The following LRRC4C variants were observed in gnomAD, a reference collection of about 807,000 sequenced individuals.
The protein encoded by LRRC4C is leucine rich repeat containing 4C.
Under a neutral mutation model 33.6 loss-of-function variants are expected in LRRC4C, and 5 were observed. The ratio of observed to expected loss-of-function variants is 0.15; its 90% confidence interval spans 0.08 to 0.31. LRRC4C has a LOEUF of 0.31. Ranked by LOEUF, LRRC4C falls within the 10% of genes least tolerant of loss-of-function variation. The pLI is 1.00. For synonymous variants in LRRC4C, 329 were observed against 302.0 expected (o/e 1.09, Z -0.93); for missense variants, 560 against 796.7 (o/e 0.70, Z 3.58).
intron 1 of LRRC4C, among the ~76,000 whole-genome samples, chr11:41,115,769 T>C (rs1428733317): frequency 6.6e-6 from 1 of 152,118 alleles, no homozygotes; most frequent in East Asian, 1.9e-4. Context: ...GCACTAACAT[T>C]GTCCTTGTCA....
At chr11:41,434,549 G>A (rs1955358841) in intron 1 of LRRC4C, among the ~76,000 whole-genome samples, 1 of 152,068 alleles carries the variant, frequency 6.6e-6, no homozygotes, top group Admixed American at 6.6e-5. Context: ...TACATCCCAT[G>A]ATACAAAATA....
At position 40,523,050 on chromosome 11, in the gene LRRC4C, T is replaced by A. The variant is rs558429155; in HGVS notation, c.-270+125092A>T. On this transcript the variant is annotated intron_variant, in intron 3 of 6. Coordinates refer to ENST00000528697, the MANE Select transcript of LRRC4C (RefSeq NM_001258419.2). ...AAAAGCCTGCTTTCAATTATTTTCGTTGCATACTTAACAGAGTAATTGTTG... is the reference window on the plus strand; with the variant it reads ...AAAAGCCTGCTTTCAATTATTTTCGATGCATACTTAACAGAGTAATTGTTG... 3.3e-5 allele frequency among the ~76,000 whole-genome samples: 5 copies of A among 152,320 alleles called. No homozygotes were observed. In the East Asian group the frequency reaches 9.6e-4, roughly 29 times the overall value.
chr11:40,457,153 A>AT (rs140835674), intron 3 of LRRC4C, among the ~76,000 whole-genome samples: 6,215 of 151,368 alleles, frequency 0.041, 426 homozygotes, highest in African/African-American at 0.14. Context: ...TACCTCAGCA[A>AT]TTTTTTTTAA....
At chr11:40,572,337 G>A (rs1271057760) in intron 3 of LRRC4C, among the ~76,000 whole-genome samples, 1 of 152,180 alleles carries the variant, frequency 6.6e-6, no homozygotes, top group African/African-American at 2.4e-5. Flanking sequence ...CTATCTGAGA[G>A]AAAGAGTAAC....
chr11:41,256,361 A>T (rs1948799798), intron 1 of LRRC4C, among the ~76,000 whole-genome samples: 1 of 151,948 alleles, frequency 6.6e-6, no homozygotes, highest in African/African-American at 2.4e-5. Context: ...ACCTTATCCA[A>T]ATCAGTAAAC....
chr11:40,905,280 A>G (rs1312915837), intron 2 of LRRC4C, among the ~76,000 whole-genome samples: 1 of 152,146 alleles, frequency 6.6e-6, no homozygotes, highest in Non-Finnish European at 1.5e-5. Context: ...CAAAATAAAA[A>G]GAGAAATAGC....
intron 1 of LRRC4C, among the ~76,000 whole-genome samples, chr11:41,409,336 G>A (rs1240185152): frequency 6.6e-6 from 1 of 152,064 alleles, no homozygotes; most frequent in African/African-American, 2.4e-5. Context: ...TTCAACTCTT[G>A]AAAAAGTACT....
chr11:41,278,649 T>C (rs79651329), intron 1 of LRRC4C, among the ~76,000 whole-genome samples: 7,002 of 152,304 alleles, frequency 0.046, 200 homozygotes, highest in South Asian at 0.074. Context: ...ATCTCGGACT[T>C]TGCATTTCCA....
intron 1 of LRRC4C, among the ~76,000 whole-genome samples, chr11:41,003,660 T>C (rs1352494915): frequency 6.6e-6 from 1 of 151,736 alleles, no homozygotes; most frequent in East Asian, 1.9e-4. Flanking sequence ...TTATACATTT[T>C]TAGGTTTGTG....
At chr11:41,411,142 A>ATTGTTTTTTTTTTTT (rs1954463926) in intron 1 of LRRC4C, among the ~76,000 whole-genome samples, 1 of 57,240 alleles carries the variant, frequency 1.7e-5, no homozygotes, top group African/African-American at 1.2e-4. Context: ...TTGGTACCCT[A>ATTGTTTTTTTTTTTT]TTTTTTTTTT....
At chr11:40,469,903 T>C (rs1321711712) in intron 3 of LRRC4C, among the ~76,000 whole-genome samples, 1 of 152,076 alleles carries the variant, frequency 6.6e-6, no homozygotes, top group Non-Finnish European at 1.5e-5. Flanking sequence ...TAGATAAAAC[T>C]CAAATCTCCC....
At chr11:40,162,947 C>T (rs1469302847) in intron 5 of LRRC4C, among the ~76,000 whole-genome samples, 1 of 152,150 alleles carries the variant, frequency 6.6e-6, no homozygotes, top group Non-Finnish European at 1.5e-5. Context: ...TTTGCCATCT[C>T]ACCTCATCTA....
At chr11:40,934,293 T>G (rs1231710863) in intron 1 of LRRC4C, among the ~76,000 whole-genome samples, 1 of 152,192 alleles carries the variant, frequency 6.6e-6, no homozygotes, top group African/African-American at 2.4e-5. Context: ...TCATCCGTAA[T>G]CCCACAGACC....
chr11:40,687,210 C>T (rs61886821), intron 2 of LRRC4C, among the ~76,000 whole-genome samples: 58,098 of 151,968 alleles, frequency 0.38, 13,465 homozygotes, highest in East Asian at 0.57. Context: ...CAAAGTCACA[C>T]AACTGGCAAA....
chr11:41,403,922 TTA>T (rs1385860359), intron 1 of LRRC4C, among the ~76,000 whole-genome samples: 1 of 151,168 alleles, frequency 6.6e-6, no homozygotes, highest in African/African-American at 2.5e-5. Flanking sequence ...AAACGTGCAC[TTA>T]TACACACACC....
chr11:40,276,674 AGTGTGTGTGTGTGTGTGTGTGTGTGT>A (rs56155922), intron 4 of LRRC4C, among the ~76,000 whole-genome samples: 2 of 127,554 alleles, frequency 1.6e-5, no homozygotes, highest in Non-Finnish European at 3.3e-5. Context: ...GTGGGAAACA[AGTGTGTGTGTGTGTGTGTGTGTGTGT>A]GTGTGTGTGT....
At chr11:40,521,225 T>C (rs1192034170) in intron 3 of LRRC4C, among the ~76,000 whole-genome samples, 1 of 152,132 alleles carries the variant, frequency 6.6e-6, no homozygotes, top group East Asian at 1.9e-4. Flanking sequence ...ATTGACAAAA[T>C]ATCTGCATAG....
At chr11:41,120,409 C>T (rs1294487227) in intron 1 of LRRC4C, among the ~76,000 whole-genome samples, 1 of 152,132 alleles carries the variant, frequency 6.6e-6, no homozygotes, top group Non-Finnish European at 1.5e-5. Flanking sequence ...CCATTCTATG[C>T]TTCAGATGGC....
intron 1 of LRRC4C, among the ~76,000 whole-genome samples, chr11:41,121,492 TC>T (rs1240584920): frequency 8.5e-5 from 13 of 152,166 alleles, no homozygotes; most frequent in Admixed American, 7.9e-4. Context: ...TCCAACGCCT[TC>T]CCCTTCCTAG....
Sources: gnomAD v4.1 joint callset for allele counts (sites outside exome capture counted in the v4.1 genomes callset) on GRCh38, gnomAD v4.1.1 for gene constraint, MANE v1.5 for transcripts, NCBI Gene and HGNC (gene_info 2026-07-23, HGNC 2026-07-21) for gene names.